Variants in C6 observed in about 807,000 individuals in gnomAD.
C6 encodes complement component C6.
Under a neutral mutation model 112.9 loss-of-function variants are expected in C6, and 101 were observed. The observed-to-expected ratio is 0.89, with a 90% CI of 0.76 to 1.06. The LOEUF is 1.06. C6 is among the 50% of genes least tolerant of loss of function. C6 has a pLI of 0.00. For missense variants in C6, 1,202 were observed against 1,104.6 expected (o/e 1.09, Z -1.25); for synonymous variants, 431 against 384.1 (o/e 1.12, Z -1.43).
At chr5:41,255,530 C>A (rs1238066830) in intron 1 of C6, among the ~76,000 whole-genome samples, 1 of 152,094 alleles carries the variant, frequency 6.6e-6, no homozygotes. Context: ...GAATCAATGA[C>A]AGTCATGAAG....
intron 1 of C6, among the ~76,000 whole-genome samples, chr5:41,210,645 C>A (rs1193546160): frequency 1.3e-5 from 2 of 152,162 alleles, no homozygotes; most frequent in Non-Finnish European, 2.9e-5. Flanking sequence ...AAATGCTCAT[C>A]ATCGCTGGCC....
chr5:41,239,870 T>C (rs1478438462), intron 1 of C6, among the ~76,000 whole-genome samples: 1 of 152,156 alleles, frequency 6.6e-6, no homozygotes, highest in African/African-American at 2.4e-5. Flanking sequence ...AAAGGTAACT[T>C]TGCTGGATAT....
chr5:41,251,029 G>A (rs1741323168), intron 1 of C6, among the ~76,000 whole-genome samples: 1 of 152,146 alleles, frequency 6.6e-6, no homozygotes, highest in South Asian at 2.1e-4. Flanking sequence ...AGACCTTGAA[G>A]CTCAGAGATG....
chr5:41,199,983 G>T, intron 3 of C6, 71 bp from the exon 4 acceptor site: 1 of 1,423,016 alleles, frequency 7.0e-7, no homozygotes, highest in Non-Finnish European at 9.9e-7. Context: ...AGAAAACTGG[G>T]CTCCTCAATC....
chr5:41,190,809 C>T (rs756939227), intron 5 of C6, among the ~76,000 whole-genome samples: 9 of 152,106 alleles, frequency 5.9e-5, no homozygotes, highest in Non-Finnish European at 1.0e-4. Context: ...CAGTTTCATT[C>T]TTCTGCATAT....
At chr5:41,152,473 A>G (rs1746499357) in intron 15 of C6, among the ~76,000 whole-genome samples, 1 of 152,172 alleles carries the variant, frequency 6.6e-6, no homozygotes, top group Non-Finnish European at 1.5e-5. Flanking sequence ...CTCGTGAGCA[A>G]GTTAATTGTC....
chr5:41,248,819 G>T (rs1045130793), intron 1 of C6, among the ~76,000 whole-genome samples: 4 of 152,108 alleles, frequency 2.6e-5, no homozygotes, highest in African/African-American at 9.7e-5. Context: ...CCATTACTGG[G>T]TATATAGCCA....
intron 14 of C6, 93 bp from the exon 15 acceptor site, chr5:41,154,091 G>A (rs1251650392): frequency 9.9e-7 from 1 of 1,006,636 alleles, no homozygotes; most frequent in East Asian, 2.5e-5. Flanking sequence ...TGATTTTGAT[G>A]AGATTTACTG....
At chr5:41,218,472 T>C (rs1029537428), upstream of C6, among the ~76,000 whole-genome samples, 7 of 152,188 alleles carry the variant, frequency 4.6e-5, no homozygotes, top group Non-Finnish European at 1.0e-4. Flanking sequence ...AAATGAATTA[T>C]ATGGTTTTTA....
At position 41,142,643 on chromosome 5, in the gene C6, G is replaced by A; in HGVS notation, c.*182C>T. ...CTACAGGGCGTCATGAGCTGGAACT[G>A]AATAAGACATGCCCAAACAGGAGAG... On this transcript the variant is annotated 3_prime_UTR_variant, in exon 18 of 18. Coordinates refer to ENST00000337836, the MANE Select transcript of C6 (RefSeq NM_000065.5). The A allele has an allele frequency of 1.6e-6, 1 of 636,264 alleles. No homozygotes were observed. The highest frequency in any genetic ancestry group is 2.9e-6 in the Non-Finnish European group (1 of 348,850). 39.4% of individuals were successfully genotyped at this position (636,264 alleles called of 1,614,324 possible). A position where few individuals can be genotyped will look rare whatever the true frequency, so the allele number is the denominator to read the frequency against.
At chr5:41,198,535 C>T (rs917881855) in intron 4 of C6, among the ~76,000 whole-genome samples, 18 of 152,144 alleles carry the variant, frequency 1.2e-4, no homozygotes, top group African/African-American at 1.2e-4. Context: ...GAGTAGCAGC[C>T]GCTTAACAAC....
Position 41,176,633 on chromosome 5 carries a change from A to G in C6, c.1010T>C (p.Val337Ala), listed in dbSNP as rs1347239285. 5.0e-6 allele frequency: 8 copies of G among 1,613,810 alleles called. No individual in the cohort carries two copies. Among genetic ancestry groups the G allele is most frequent in the African/African-American group, 1.3e-5 (1 of 74,934 alleles). The stretch of plus-strand genomic sequence containing the variant: ...CAGATGGTTAAGTGCTTTCAAAAAG[A>G]CATCAGAAAGGTGCAGATCTTTAGC... ...TKAKDLHLSD[V>A]FLKALNHLPL... The change falls in exon 8 of 18, where the codon GTC becomes GCC. Residue 337 changes from valine to alanine, a missense_variant. Physicochemically the swap from Val to Ala is moderately conservative, Grantham distance 64. Coordinates refer to ENST00000337836, the MANE Select transcript of C6 (RefSeq NM_000065.5).
intron 1 of C6, among the ~76,000 whole-genome samples, chr5:41,207,782 G>A (rs143596780): frequency 1.1e-3 from 173 of 152,298 alleles, no homozygotes; most frequent in Middle Eastern, 3.4e-3. Context: ...AATAATGGGA[G>A]ATTTTAAAAC....
At chr5:41,179,999 G>A (rs908711551) in intron 7 of C6, among the ~76,000 whole-genome samples, 28 of 152,002 alleles carry the variant, frequency 1.8e-4, no homozygotes, top group East Asian at 1.2e-3. Context: ...ATAAATGTTC[G>A]TTGAATTAAA....
chr5:41,241,464 G>A, intron 1 of C6, among the ~76,000 whole-genome samples: 1 of 152,146 alleles, frequency 6.6e-6, no homozygotes, highest in African/African-American at 2.4e-5. Context: ...AAAAAATATT[G>A]TACATTGAAC....
intron 5 of C6, among the ~76,000 whole-genome samples, chr5:41,190,517 T>C (rs1750112170): frequency 6.6e-6 from 1 of 152,200 alleles, no homozygotes; most frequent in African/African-American, 2.4e-5. Context: ...CCCTGTCAGA[T>C]GAATAGCTGG....
chr5:41,210,239 T>G (rs566500756), intron 1 of C6, among the ~76,000 whole-genome samples: 2 of 152,182 alleles, frequency 1.3e-5, no homozygotes, highest in Non-Finnish European at 2.9e-5. Context: ...AAGACTTAAA[T>G]GCTAGACCTA....
At chr5:41,171,832 TC>T (rs1171886691) in intron 9 of C6, among the ~76,000 whole-genome samples, 1 of 152,128 alleles carries the variant, frequency 6.6e-6, no homozygotes, top group Non-Finnish European at 1.5e-5. Context: ...CTGCCCATAG[TC>T]CTTTATAGCC....
At position 41,160,366 on chromosome 5, in the gene C6, A is replaced by C; in HGVS notation, c.1460T>G (p.Leu487Arg). 2 of 1,612,904 alleles carry C rather than the reference A, an allele frequency of 1.2e-6. No individual in the cohort carries two copies. Among genetic ancestry groups the C allele is most frequent in the African/African-American group, 2.7e-5 (2 of 74,986 alleles). Residue 487 changes from leucine (L) to arginine (R), a missense_variant and splice_region_variant, in exon 11 of 18, where the codon CTT becomes CGT. Leu to Arg is a moderately radical substitution (Grantham distance 102). Coordinates refer to ENST00000337836, the MANE Select transcript of C6 (RefSeq NM_000065.5). ...KENPAVIDFELAPIVDLVRNI... is the reference protein window; with the variant it reads ...KENPAVIDFERAPIVDLVRNI... Reference sequence around the variant, plus strand: ...TCTTACCAAGTCCACGATGGGGGCAAGCTAGGAGAAAATGGGAGAGAGGAG... The same window carrying C: ...TCTTACCAAGTCCACGATGGGGGCACGCTAGGAGAAAATGGGAGAGAGGAG...
Sources: gnomAD v4.1 joint callset for allele counts (sites outside exome capture counted in the v4.1 genomes callset) on GRCh38, gnomAD v4.1.1 for gene constraint, MANE v1.5 for transcripts, NCBI Gene and HGNC (gene_info 2026-07-23, HGNC 2026-07-21) for gene names.